The following PSME1 variants were observed in gnomAD, a reference collection of about 807,000 sequenced individuals.
PSME1 encodes the protein proteasome activator subunit 1.
Under a neutral mutation model 38.4 loss-of-function variants are expected in PSME1, and 15 were observed. The observed-to-expected ratio is 0.39, with a 90% CI of 0.26 to 0.60. The LOEUF is 0.60. Among genes scored for constraint, PSME1 ranks in the 20% least tolerant of loss-of-function variants. The pLI, the probability that PSME1 is intolerant of heterozygous loss-of-function variation, is 0.53. For missense variants in PSME1, 249 were observed against 305.6 expected (o/e 0.81, Z 1.38); for synonymous variants, 106 against 106.8 (o/e 0.99, Z 0.05).
At chr14:24,138,299 T>C in intron 8 of PSME1, 36 bp downstream of exon 8, 1 of 1,614,062 alleles carries the variant, frequency 6.2e-7, no homozygotes, top group Non-Finnish European at 8.5e-7. Flanking sequence ...GTTTTTGTTT[T>C]GGGAGACCTC....
At chr14:24,137,249 A>G (rs201064929) in intron 3 of PSME1, 44 bp downstream of exon 3, 2 of 1,611,458 alleles carry the variant, frequency 1.2e-6, no homozygotes, top group African/African-American at 1.3e-5. Context: ...GGCCAAGAGA[A>G]GAGTCTGGAG....
chr14:24,136,772 A>C lies in PSME1; in HGVS notation c.40-213A>C, dbSNP rs1049238056. 5 of 638,324 alleles carry C rather than the reference A, an allele frequency of 7.8e-6. No individual in the cohort carries two copies. Among genetic ancestry groups the C allele is most frequent in the Non-Finnish European group, 1.4e-5 (5 of 351,566 alleles). 39.5% of individuals were successfully genotyped at this position (638,324 alleles called of 1,614,324 possible). Reference sequence around the variant, plus strand: ...CCCATATCCAGCCCCAGGGATACCCACTCCACTTTCCGTAGATCCAGGTCT... The same window carrying C: ...CCCATATCCAGCCCCAGGGATACCCCCTCCACTTTCCGTAGATCCAGGTCT... On this transcript the variant is annotated intron_variant, in intron 1 of 10. Transcript: ENST00000206451. The surrounding 1 kb of genome is among the most constrained non-coding windows in gnomAD (Gnocchi z 4.8).
chr14:24,138,001 GA>G (rs1258622244), intron 6 of PSME1, 47 bp from the exon 7 acceptor site: 1 of 1,601,906 alleles, frequency 6.2e-7, no homozygotes, highest in Non-Finnish European at 8.6e-7. Context: ...ATGAAACTGG[GA>G]ATTGGGTAGA....
chr14:24,137,004 A>C lies in PSME1; in HGVS notation c.59A>C (p.Asp20Ala). ...AQAKVDVFREDLCTKTENLLG... is the reference protein window; with the variant it reads ...AQAKVDVFREALCTKTENLLG... ...CCACAGGTGGATGTGTTTCGTGAAG[A>C]CCTCTGTACCAAGGTAAGACATGCC... Residue 20 changes from aspartate to alanine, a missense_variant, in exon 2 of 11, where the codon GAC (aspartate) becomes GCC (alanine). Asp to Ala is a moderately radical substitution (Grantham distance 126). Coordinates refer to ENST00000206451, the MANE Select transcript of PSME1 (RefSeq NM_006263.4). 2 of 1,613,998 alleles carry C rather than the reference A, an allele frequency of 1.2e-6. No individual in the cohort carries two copies. The highest frequency in any genetic ancestry group is 8.5e-7 in the Non-Finnish European group (1 of 1,179,998).
rs1490415027 is a variant in PSME1 at position 24,136,532 on chromosome 14, A to T, written c.39+231A>T. Among the ~76,000 whole-genome samples, 1 of 151,174 alleles carries T rather than the reference A, an allele frequency of 6.6e-6. No homozygotes were observed. Among genetic ancestry groups the T allele is most frequent in the Non-Finnish European group, 1.5e-5 (1 of 67,812 alleles). ...AAGCGGAGAGCTGGCGTGGAGGGGA[A>T]CTCCGCTGGCCTGGGGCCGGGGCCA... On this transcript the variant is annotated intron_variant, in intron 1 of 10. Transcript: ENST00000206451. This position sits in a 1 kb window ranked among gnomAD's most constrained non-coding sequence, Gnocchi z 4.8.
chr14:24,137,953 C>T, intron 6 of PSME1, 96 bp from the exon 7 acceptor site: 22 of 1,504,002 alleles, frequency 1.5e-5, no homozygotes, highest in East Asian at 4.5e-5. Flanking sequence ...AGACCCGGCA[C>T]GCCTCCACCC....
At position 24,136,221 on chromosome 14, in the gene PSME1, C is replaced by A. The variant is rs1451480067; in HGVS notation, c.-42C>A. On this transcript the variant is annotated 5_prime_UTR_variant, in exon 1 of 11. Coordinates refer to ENST00000206451, the MANE Select transcript of PSME1 (RefSeq NM_006263.4). This position sits in a 1 kb window ranked among gnomAD's most constrained non-coding sequence, Gnocchi z 4.8. ...CGCTTTCGCTTTCCCTTCGCGGTGC[C>A]CACTCCACTCCTTGTGCGGCGCTAG... The A allele has an allele frequency of 6.6e-7, 1 of 1,514,574 alleles. No individual in the cohort carries two copies. The highest frequency in any genetic ancestry group is 2.8e-5 in the East Asian group (1 of 35,630). 93.8% of individuals were successfully genotyped at this position (1,514,574 alleles called of 1,614,324 possible).
rs1405749065 is a variant in PSME1, at chr14:24,137,003, G to A, written c.58G>A (p.Asp20Asn). 2 of 1,614,164 alleles carry A rather than the reference G, an allele frequency of 1.2e-6. No individual in the cohort carries two copies. The highest frequency in any genetic ancestry group is 1.7e-6 in the Non-Finnish European group (2 of 1,180,040). The change falls in exon 2 of 11, where the codon GAC becomes AAC. Residue 20 changes from aspartate (D) to asparagine (N), a missense_variant. Physicochemically the swap from Asp to Asn is conservative, Grantham distance 23. Transcript: ENST00000206451. ...CCCACAGGTGGATGTGTTTCGTGAA[G>A]ACCTCTGTACCAAGGTAAGACATGC... Reference protein sequence around the residue: ...AQAKVDVFREDLCTKTENLLG... With the variant: ...AQAKVDVFRENLCTKTENLLG...
In PSME1 at chr14:24,137,352, A is replaced by G. The variant is rs1334561306; in HGVS notation, c.167A>G (p.Asn56Ser). 6.2e-7 allele frequency: 1 copy of G among 1,614,094 alleles called. No homozygotes were observed. The highest frequency in any genetic ancestry group is 8.5e-7 in the Non-Finnish European group (1 of 1,180,030). Residue 56 changes from asparagine (N) to serine (S), a missense_variant, in exon 4 of 11, where the codon AAT becomes AGT. By Grantham distance (46) the Asn-to-Ser change is conservative. Transcript: ENST00000206451. The part of the protein sequence containing the change: ...EPALNEANLS[N>S]LKAPLDIPVP... Reference sequence around the variant, plus strand: ...GCTCTCAATGAAGCCAACTTGAGCAATCTGAAGGCCCCATTGGACATCCCA... The same window carrying G: ...GCTCTCAATGAAGCCAACTTGAGCAGTCTGAAGGCCCCATTGGACATCCCA...
chr14:24,136,371 C>A lies in PSME1; in HGVS notation c.39+70C>A. ...CTGGAGCGGCCGGGGGCATCCCCGACCCGCCCCCCAGGCTCCCACGCGAGT... is the reference window on the plus strand; with the variant it reads ...CTGGAGCGGCCGGGGGCATCCCCGAACCGCCCCCCAGGCTCCCACGCGAGT... On this transcript the variant is annotated intron_variant, in intron 1 of 10. Coordinates refer to ENST00000206451, the MANE Select transcript of PSME1 (RefSeq NM_006263.4). This position sits in a 1 kb window ranked among gnomAD's most constrained non-coding sequence, Gnocchi z 4.8. The A allele has an allele frequency of 1.4e-6, 2 of 1,406,778 alleles. No individual in the cohort carries two copies. The highest frequency in any genetic ancestry group is 1.9e-6 in the Non-Finnish European group (2 of 1,063,824). The allele number at this position is 1,406,778 out of a possible 1,614,324, so 87.1% of individuals were successfully genotyped here.
At chr14:24,137,255 T>C in intron 3 of PSME1, 50 bp downstream of exon 3, 1 of 1,611,318 alleles carries the variant, frequency 6.2e-7, no homozygotes, top group South Asian at 1.1e-5. Flanking sequence ...GAGAAGAGTC[T>C]GGAGGCTGTG....
rs2037934168 is a variant in PSME1 at position 24,137,699 on chromosome 14, G to A, written c.293-1G>A. 6.2e-7 allele frequency: 1 copy of A among 1,614,068 alleles called. No homozygotes were observed. Among genetic ancestry groups the A allele is most frequent in the Non-Finnish European group, 8.5e-7 (1 of 1,179,922 alleles). The stretch of plus-strand genomic sequence containing the variant: ...TGACTGACCCATTGCTCACTCTCTA[G>A]GTCCTCCCTGTGGCCCAGTGAACTG... On this transcript the variant is annotated splice_acceptor_variant, in intron 5 of 10. Coordinates refer to ENST00000206451, the MANE Select transcript of PSME1 (RefSeq NM_006263.4). LOFTEE classifies it high-confidence loss of function.
At position 24,136,942 on chromosome 14, in the gene PSME1, G is replaced by A. The variant is rs1295694360; in HGVS notation, c.40-43G>A. ...TAAGGGAACTGTCCTCAAATGAACT[G>A]GCCTTAAAGCCAAGTTTCTGAAGGG... On this transcript the variant is annotated intron_variant, in intron 1 of 10. Coordinates refer to ENST00000206451, the MANE Select transcript of PSME1 (RefSeq NM_006263.4). The surrounding 1 kb of genome is among the most constrained non-coding windows in gnomAD (Gnocchi z 4.8). 8 of 1,613,130 alleles carry A rather than the reference G, an allele frequency of 5.0e-6. No individual in the cohort carries two copies. Among genetic ancestry groups the A allele is most frequent in the South Asian group, 1.1e-5 (1 of 91,014 alleles).
Position 24,136,919 on chromosome 14 carries a change from A to G in PSME1, c.40-66A>G, listed in dbSNP as rs2037912315. On this transcript the variant is annotated intron_variant, in intron 1 of 10. Coordinates refer to ENST00000206451, the MANE Select transcript of PSME1 (RefSeq NM_006263.4). This position sits in a 1 kb window ranked among gnomAD's most constrained non-coding sequence, Gnocchi z 4.8. The stretch of plus-strand genomic sequence containing the variant: ...CCAGGTCAGGCCCTACATAACCCTA[A>G]GGGAACTGTCCTCAAATGAACTGGC... The G allele has an allele frequency of 6.9e-6, 11 of 1,601,240 alleles. No individual in the cohort carries two copies. The African/African-American group carries it at 1.3e-4, about 20-fold the overall frequency.
rs750157105 is a variant in PSME1, at chr14:24,137,549, G to A, written c.276G>A (p.Gly92=). The stretch of plus-strand genomic sequence containing the variant: ...AAGACAAGGATGAAAAGAAGAAGGG[G>A]GAGGATGAAGACAAAGGTACTTGAA... ...EKEDKDEKKK[G]EDEDKGPPCG... Residue 92 remains glycine, a synonymous_variant, in exon 5 of 11, where the codon GGG becomes GGA. Coordinates refer to ENST00000206451, the MANE Select transcript of PSME1 (RefSeq NM_006263.4). 6.2e-7 allele frequency: 1 copy of A among 1,614,202 alleles called. No individual in the cohort carries two copies.
rs749911729 is a variant in PSME1, at chr14:24,136,289, G to A, written c.27G>A (p.Glu9=). MAMLRVQP[E]AQAKVDVFRE... is the part of the protein sequence containing the mutation. The stretch of plus-strand genomic sequence containing the variant: ...TGGCCATGCTCAGGGTCCAGCCCGA[G>A]GCCCAAGCCAAGGTGAGCGCCGCGG... The change falls in exon 1 of 11, where the codon GAG becomes GAA. Residue 9 remains glutamate (E), a synonymous_variant. Coordinates refer to ENST00000206451, the MANE Select transcript of PSME1 (RefSeq NM_006263.4). This position sits in a 1 kb window ranked among gnomAD's most constrained non-coding sequence, Gnocchi z 4.8. 1 of 1,528,902 alleles carries A rather than the reference G, an allele frequency of 6.5e-7. No homozygotes were observed. The highest frequency in any genetic ancestry group is 8.8e-7 in the Non-Finnish European group (1 of 1,139,282). 94.7% of individuals were successfully genotyped at this position (1,528,902 alleles called of 1,614,324 possible).
rs148348414 is a variant in PSME1 at position 24,137,552 on chromosome 14, G to A, written c.279G>A (p.Glu93=). The A allele has an allele frequency of 4.4e-5, 71 of 1,614,208 alleles. No homozygotes were observed. Among genetic ancestry groups the A allele is most frequent in the South Asian group, 2.7e-4 (25 of 91,082 alleles). The stretch of plus-strand genomic sequence containing the variant: ...ACAAGGATGAAAAGAAGAAGGGGGA[G>A]GATGAAGACAAAGGTACTTGAAACC... The part of the protein sequence containing the change: ...KEDKDEKKKG[E]DEDKGPPCGP... Residue 93 remains glutamate (E), a synonymous_variant, in exon 5 of 11, where the codon GAG becomes GAA. Transcript: ENST00000206451.
rs1235674262 is a variant in PSME1, at chr14:24,136,828, C to A, written c.40-157C>A. 2 of 812,798 alleles carry A rather than the reference C, an allele frequency of 2.5e-6. No individual in the cohort carries two copies. The highest frequency in any genetic ancestry group is 1.7e-5 in the African/African-American group (1 of 59,006). The allele number at this position is 812,798 out of a possible 1,614,324, so 50.3% of individuals were successfully genotyped here. ...GATCCACCTTCTCCACCACCCCAAC[C>A]CACCCTACAGGCATCCATCTCGCTT... On this transcript the variant is annotated intron_variant, in intron 1 of 10. Coordinates refer to ENST00000206451, the MANE Select transcript of PSME1 (RefSeq NM_006263.4). The surrounding 1 kb of genome is among the most constrained non-coding windows in gnomAD (Gnocchi z 4.8).
In PSME1 at chr14:24,138,419, G is replaced by C. The variant is rs2037955309; in HGVS notation, c.582+20G>C. 2 of 1,614,218 alleles carry C rather than the reference G, an allele frequency of 1.2e-6. No homozygotes were observed. Among genetic ancestry groups the C allele is most frequent in the Non-Finnish European group, 1.7e-6 (2 of 1,180,032 alleles). ...CATGTGGTAGGTGAGGCCCAGGTCA[G>C]GGTGCATGGGGGAAGGACACATGTA... On this transcript the variant is annotated intron_variant, in intron 9 of 10. Transcript: ENST00000206451.
Sources: gnomAD v4.1 joint callset for allele counts (sites outside exome capture counted in the v4.1 genomes callset) on GRCh38, gnomAD v4.1.1 for gene constraint, Gnocchi (gnomAD v3.1) non-coding constraint, MANE v1.5 for transcripts, NCBI Gene and HGNC (gene_info 2026-07-23, HGNC 2026-07-21) for gene names.